STYXL1: variants seen among roughly 807,000 people sequenced by gnomAD.
The protein encoded by STYXL1 is serine/threonine/tyrosine-interacting-like protein 1.
A neutral mutation model predicts 36.4 loss-of-function variants in STYXL1; 32 were observed. That is an observed-to-expected ratio of 0.88 (90% CI 0.66 to 1.18). The LOEUF is 1.18. Among genes scored for constraint, STYXL1 ranks in the 50% most tolerant of loss-of-function variants. STYXL1 has a pLI of 0.00. For synonymous variants in STYXL1, 133 were observed against 144.1 expected (o/e 0.92, Z 0.55); for missense variants, 354 against 394.1 (o/e 0.90, Z 0.86).
intron 4 of STYXL1, among the ~76,000 whole-genome samples, chr7:76,016,010 G>C (rs985979883): frequency 2.6e-5 from 4 of 152,116 alleles, no homozygotes; most frequent in Non-Finnish European, 1.5e-5. Context: ...TTGCTCCTCA[G>C]CTTGCAGACA....
intron 2 of STYXL1, among the ~76,000 whole-genome samples, chr7:76,029,308 G>A (rs1045594282): frequency 3.3e-5 from 5 of 151,674 alleles, no homozygotes; most frequent in Non-Finnish European, 5.9e-5. Context: ...CACCACACCC[G>A]GCTAATTTTT....
intron 1 of STYXL1, among the ~76,000 whole-genome samples, chr7:76,043,449 A>G (rs1331076873): frequency 6.6e-6 from 1 of 152,018 alleles, no homozygotes. Flanking sequence ...CCGAGAAGCC[A>G]TTTTAAAGGA....
At chr7:76,012,080 A>G (rs544555998) in intron 5 of STYXL1, among the ~76,000 whole-genome samples, 3 of 152,202 alleles carry the variant, frequency 2.0e-5, no homozygotes, top group Admixed American at 2.0e-4. Context: ...CAGGTGGATC[A>G]CTTGAGGTCA....
chr7:76,016,592 C>A (rs1196082373), intron 4 of STYXL1, among the ~76,000 whole-genome samples: 2 of 152,080 alleles, frequency 1.3e-5, no homozygotes, highest in Non-Finnish European at 2.9e-5. Flanking sequence ...CATAAACAGA[C>A]ACTTTTCAAA....
At chr7:76,046,274 C>CTGTGTGTGTGTGTGTG (rs782245806) in intron 1 of STYXL1, among the ~76,000 whole-genome samples, 16 of 103,180 alleles carry the variant, frequency 1.6e-4, no homozygotes, top group African/African-American at 7.0e-4. Flanking sequence ...AGCTTATCTG[C>CTGTGTGTGTGTGTGTG]TGTGTGTGTG....
chr7:76,046,294 G>C (rs1437690106), intron 1 of STYXL1, among the ~76,000 whole-genome samples: 469 of 12,488 alleles, frequency 0.038, 14 homozygotes, highest in African/African-American at 0.058. Context: ...GTGTGTGTGT[G>C]TGTGTGTGTG....
At chr7:76,009,338 C>G (rs1792247144) in intron 5 of STYXL1, among the ~76,000 whole-genome samples, 1 of 125,668 alleles carries the variant, frequency 8.0e-6, no homozygotes, top group African/African-American at 2.9e-5. Context: ...ACGCCTAAAA[C>G]CAGGGCATCA....
At chr7:76,016,162 A>G (rs1554573746) in intron 4 of STYXL1, among the ~76,000 whole-genome samples, 3 of 152,034 alleles carry the variant, frequency 2.0e-5, no homozygotes, top group Non-Finnish European at 2.9e-5. Flanking sequence ...AGATATAAGT[A>G]TATACATATG....
chr7:76,046,353 C>CGT (rs1563535689), intron 1 of STYXL1, among the ~76,000 whole-genome samples: 1 of 111,112 alleles, frequency 9.0e-6, no homozygotes, highest in Non-Finnish European at 1.8e-5. Flanking sequence ...CGCGCGCGCG[C>CGT]GCGCGCTTTT....
rs782118902 is a variant in STYXL1 at position 76,028,652 on chromosome 7, C to G, written c.155G>C (p.Arg52Pro). The G allele has an allele frequency of 1.9e-6, 3 of 1,613,988 alleles. No homozygotes were observed. In the South Asian group the frequency reaches 3.3e-5, roughly 18 times the overall value. Residue 52 changes from arginine (R) to proline (P), a missense_variant, in exon 3 of 9, where the codon CGA becomes CCA. Coordinates refer to ENST00000359697, the MANE Select transcript of STYXL1 (RefSeq NM_001317785.2). Reference sequence around the variant, plus strand: ...ACGCTGCCCATGTACCTTCTTCACTCGAAGGGCAGTGATCACATGGCTTTC... The same window carrying G: ...ACGCTGCCCATGTACCTTCTTCACTGGAAGGGCAGTGATCACATGGCTTTC... ...YDESHVITAL[R>P]VKKKNNEYLL... is the part of the protein sequence containing the mutation.
chr7:76,039,481 CACA>C (rs1201921570), intron 1 of STYXL1, among the ~76,000 whole-genome samples: 2 of 152,146 alleles, frequency 1.3e-5, no homozygotes, highest in African/African-American at 4.8e-5. Context: ...AGTCCCAGGT[CACA>C]ACACCCCCAG....
At chr7:76,003,000 G>A (rs1400399036) in intron 7 of STYXL1, among the ~76,000 whole-genome samples, 1 of 152,242 alleles carries the variant, frequency 6.6e-6, no homozygotes, top group Non-Finnish European at 1.5e-5. Flanking sequence ...GCTCAGGCCA[G>A]GAGCTGTTGG....
intron 5 of STYXL1, among the ~76,000 whole-genome samples, chr7:76,006,495 G>C (rs1290833681): frequency 6.6e-6 from 1 of 152,128 alleles, no homozygotes; most frequent in Non-Finnish European, 1.5e-5. Context: ...CGGGCGCAGT[G>C]GCTCAAGCCT....
At chr7:76,022,496 G>C (rs1435165654) in intron 3 of STYXL1, among the ~76,000 whole-genome samples, 3 of 146,386 alleles carry the variant, frequency 2.0e-5, no homozygotes, top group African/African-American at 7.6e-5. Flanking sequence ...CCGACTCTAT[G>C]AAAAAAAAAA....
rs1794245453 is a variant in STYXL1, at chr7:76,022,876, A to T, written c.166-884T>A. 2.0e-5 allele frequency among the ~76,000 whole-genome samples: 3 copies of T among 152,128 alleles called. No homozygotes were observed. The South Asian group carries it at 6.2e-4, about 32-fold the overall frequency. Reference sequence around the variant, plus strand: ...CTGGAGTTCAAAGCTGCAGTGAGCTATGATTGCACCACTGCACTCCAGCCT... The same window carrying T: ...CTGGAGTTCAAAGCTGCAGTGAGCTTTGATTGCACCACTGCACTCCAGCCT... On this transcript the variant is annotated intron_variant, in intron 3 of 8. Coordinates refer to ENST00000359697, the MANE Select transcript of STYXL1 (RefSeq NM_001317785.2).
At chr7:76,022,758 G>A (rs572519105) in intron 3 of STYXL1, among the ~76,000 whole-genome samples, 75 of 151,998 alleles carry the variant, frequency 4.9e-4, no homozygotes, top group African/African-American at 1.7e-3. Context: ...GAAGGAATGA[G>A]ATAGACTAGA....
At chr7:76,006,677 T>C (rs1468879668) in intron 5 of STYXL1, among the ~76,000 whole-genome samples, 3 of 150,260 alleles carry the variant, frequency 2.0e-5, no homozygotes, top group African/African-American at 7.4e-5. Context: ...GGCAGGAGAA[T>C]GGCATGAACC....
chr7:76,020,543 A>G lies in STYXL1; in HGVS notation c.307+1308T>C, dbSNP rs1246163707. 2.6e-5 allele frequency among the ~76,000 whole-genome samples: 4 copies of G among 152,156 alleles called. No individual in the cohort carries two copies. In the East Asian group the frequency reaches 7.7e-4, roughly 29 times the overall value. ...CGTGCCACTACCCAATCCCTGGGGG[A>G]CAGGACAGAGCCAAAAAGGCCTGGG... On this transcript the variant is annotated intron_variant, in intron 4 of 8. Transcript: ENST00000359697.
intron 1 of STYXL1, among the ~76,000 whole-genome samples, chr7:76,039,163 C>T (rs1184875878): frequency 6.7e-6 from 1 of 149,234 alleles, no homozygotes; most frequent in Non-Finnish European, 1.5e-5. Context: ...GTCTCGAACT[C>T]CTGACCTCGT....
Sources: allele counts gnomAD v4.1 joint callset (sites outside exome capture counted in the v4.1 genomes callset), GRCh38; gene constraint gnomAD v4.1.1; transcripts MANE v1.5; gene names NCBI Gene and HGNC (gene_info 2026-07-23, HGNC 2026-07-21).